The following ULK4 variants were observed in gnomAD, a reference collection of about 807,000 sequenced individuals.
The protein encoded by ULK4 is unc-51 like kinase 4.
In ULK4, 133 loss-of-function variants were observed where a neutral mutation model predicts 160.6. The observed-to-expected ratio is 0.83, with a 90% confidence interval of 0.72 to 0.96. The LOEUF (loss-of-function observed/expected upper bound fraction) is 0.96, where lower values mean the gene tolerates loss of function less well. Among genes scored for constraint, ULK4 ranks in the 40% least tolerant of loss-of-function variants. The pLI, the probability that ULK4 is intolerant of heterozygous loss-of-function variation, is 0.00. For synonymous variants in ULK4, 534 were observed against 539.8 expected, an observed-to-expected ratio of 0.99 and a Z score of 0.15; for missense variants, 1,580 against 1,499.5, an observed-to-expected ratio of 1.05 and a Z score of -0.89.
chr3:41,957,222 G>A (rs546563499), intron 1 of ULK4, among the ~76,000 whole-genome samples: 2 of 152,270 alleles, frequency 1.3e-5, no homozygotes, highest in East Asian at 3.9e-4. Context: ...GGGAGGCCGA[G>A]GTGGGCTGAT....
intron 34 of ULK4, among the ~76,000 whole-genome samples, chr3:41,425,734 G>A (rs924856596): frequency 6.6e-6 from 1 of 152,138 alleles, no homozygotes; most frequent in Non-Finnish European, 1.5e-5. Flanking sequence ...AATGCTGAGG[G>A]AATTCATCAC....
intron 32 of ULK4, among the ~76,000 whole-genome samples, chr3:41,561,224 G>A (rs2700460): frequency 0.43 from 65,149 of 151,506 alleles, 15,059 homozygotes; most frequent in Middle Eastern, 0.55. Context: ...CAACTTGATC[G>A]TGTTGGGTAA....
At chr3:41,700,038 C>A (rs1341092920) in intron 27 of ULK4, among the ~76,000 whole-genome samples, 8 of 152,144 alleles carry the variant, frequency 5.3e-5, no homozygotes, top group Non-Finnish European at 1.2e-4. Flanking sequence ...CAAGTCATAT[C>A]TTATTTGATG....
intron 32 of ULK4, among the ~76,000 whole-genome samples, chr3:41,509,234 G>A (rs778283646): frequency 6.6e-6 from 1 of 151,900 alleles, no homozygotes; most frequent in Non-Finnish European, 1.5e-5. Context: ...TTTAGAGCTC[G>A]AAAACAAGGC....
chr3:41,361,022 C>T (rs58494054), intron 35 of ULK4, among the ~76,000 whole-genome samples: 5,881 of 152,044 alleles, frequency 0.039, 300 homozygotes, highest in East Asian at 0.19. Context: ...CAGGAAGGGG[C>T]GCTTTGATGA....
chr3:41,926,399 C>CA (rs1167264093), intron 5 of ULK4, among the ~76,000 whole-genome samples: 7 of 152,094 alleles, frequency 4.6e-5, no homozygotes, highest in South Asian at 2.1e-4. Flanking sequence ...GAGAAACCAG[C>CA]ACAAAAACGC....
chr3:41,672,230 G>A (rs987791146), intron 29 of ULK4, among the ~76,000 whole-genome samples: 1 of 152,078 alleles, frequency 6.6e-6, no homozygotes, highest in African/African-American at 2.4e-5. Flanking sequence ...TTATCCAAAG[G>A]AAAAGAAATC....
At chr3:41,586,739 T>A (rs1439582252) in intron 31 of ULK4, among the ~76,000 whole-genome samples, 1 of 152,004 alleles carries the variant, frequency 6.6e-6, no homozygotes, top group African/African-American at 2.4e-5. Context: ...TGGGAAGAAC[T>A]GCAGGAAAAA....
chr3:41,898,549 TCCTTATATGTC>T, intron 13 of ULK4, 57 bp from the exon 14 acceptor site: 1 of 1,024,770 alleles, frequency 9.8e-7, no homozygotes, highest in Non-Finnish European at 1.5e-6. Context: ...GATATCTGTC[TCCTTATATGTC>T]CCTTATGTCA....
intron 31 of ULK4, among the ~76,000 whole-genome samples, chr3:41,592,186 C>T (rs2031382036): frequency 1.3e-5 from 2 of 152,218 alleles, no homozygotes; most frequent in South Asian, 2.1e-4. Flanking sequence ...CACACACCCT[C>T]ACTGGGGAAC....
Position 41,888,797 on chromosome 3 carries a change from C to G in ULK4, c.1578-4845G>C, listed in dbSNP as rs1381820864. On this transcript the variant is annotated intron_variant, in intron 16 of 36. Transcript: ENST00000301831. ...AGGGGTAAATGAGGAAAGCCAACTC[C>G]ACTCCAAAGAAAAACCCACCCTGGC... 2.0e-5 allele frequency among the ~76,000 whole-genome samples: 3 copies of G among 152,156 alleles called. No individual in the cohort carries two copies. The East Asian group carries it at 5.8e-4, about 29-fold the overall frequency.
chr3:41,463,146 G>A lies in ULK4; in HGVS notation c.3334C>T (p.Leu1112Phe). 6.2e-7 allele frequency: 1 copy of A among 1,613,794 alleles called. No homozygotes were observed. Among genetic ancestry groups the A allele is most frequent in the Non-Finnish European group, 8.5e-7 (1 of 1,179,784 alleles). Residue 1112 changes from leucine to phenylalanine, a missense_variant, in exon 33 of 37, where the codon CTT becomes TTT. Transcript: ENST00000301831. ...GTCAGCATGCTGTGCAAAATATCAA[G>A]CAGGGAAAAGAGCAGTGGAGCTGCC... ...EMAAPLLFSLLDILHSMLTYT... is the reference protein window; with the variant it reads ...EMAAPLLFSLFDILHSMLTYT...
rs71075484 is a variant in ULK4, at chr3:41,794,660, CAAAAAAAAA to C, written c.2011-4826_2011-4818del. 6.3e-4 allele frequency among the ~76,000 whole-genome samples: 12 copies of C among 18,990 alleles called. 1 individual carries two copies. Among genetic ancestry groups the C allele is most frequent in the East Asian group, 5.1e-3 (2 of 392 alleles). The allele number at this position is 18,990 out of a possible 152,430, so 12.5% of individuals were successfully genotyped here. On this transcript the variant is annotated intron_variant, in intron 20 of 36. Transcript: ENST00000301831. ...TGGGTGACAGAGCAAGACTCTGTCT[CAAAAAAAAA>C]AAAAAAAAAAAAAAAAACACAGAAA...
intron 32 of ULK4, among the ~76,000 whole-genome samples, chr3:41,510,734 T>C (rs910773594): frequency 3.3e-5 from 5 of 152,176 alleles, no homozygotes; most frequent in South Asian, 2.1e-4. Context: ...TGAATGATCA[T>C]TGGGCTAACA....
chr3:41,622,381 A>C (rs189206482), intron 30 of ULK4, among the ~76,000 whole-genome samples: 1 of 152,328 alleles, frequency 6.6e-6, no homozygotes, highest in East Asian at 1.9e-4. Flanking sequence ...CTGGATAAAG[A>C]AAATGTGGCT....
Position 41,913,253 on chromosome 3 carries a change from G to T in ULK4, c.804-354C>A, listed in dbSNP as rs375830646. ...TTTTTTTTTTTTTTTTGAGACGGAG[G>T]CTGGCTCTGTCACCCAGGCTGGAGT... On this transcript the variant is annotated intron_variant, in intron 8 of 36. Coordinates refer to ENST00000301831, the MANE Select transcript of ULK4 (RefSeq NM_017886.4). The T allele has an allele frequency of 7.0e-3, 1,112 of 159,072 alleles. 9 individuals carry two copies. Among genetic ancestry groups the T allele is most frequent in the African/African-American group, 0.027 (1,064 of 38,790 alleles). The allele number at this position is 159,072 out of a possible 1,614,324, so 9.9% of individuals were successfully genotyped here.
In ULK4 at chr3:41,934,986, TA is replaced by T. The variant is rs201054483; in HGVS notation, c.378+814del. Among the ~76,000 whole-genome samples the T allele has an allele frequency of 1.5e-4, 23 of 151,394 alleles. No homozygotes were observed. In the East Asian group the frequency reaches 4.3e-3, roughly 28 times the overall value. On this transcript the variant is annotated intron_variant, in intron 4 of 36. Transcript: ENST00000301831. ...CAAAAAGCAACTTAGGCAGCTAAAA[TA>T]CTGTACCATATATTTCCTTTTATTT...
At chr3:41,688,592 A>G (rs1225125508) in intron 27 of ULK4, among the ~76,000 whole-genome samples, 2 of 151,826 alleles carry the variant, frequency 1.3e-5, no homozygotes, top group East Asian at 1.9e-4. Context: ...CAGAATGTCA[A>G]TTTCTTTAGA....
intron 32 of ULK4, among the ~76,000 whole-genome samples, chr3:41,500,417 T>C (rs2085158167): frequency 4.7e-5 from 2 of 42,326 alleles, no homozygotes; most frequent in African/African-American, 8.4e-5. Context: ...GGGGCCAGGA[T>C]AGGAGTTCTT....
Sources: allele counts gnomAD v4.1 joint callset (sites outside exome capture counted in the v4.1 genomes callset), GRCh38; gene constraint gnomAD v4.1.1; transcripts MANE v1.5; gene names NCBI Gene and HGNC (gene_info 2026-07-23, HGNC 2026-07-21).